The following ME2 variants were observed in gnomAD, a reference collection of about 807,000 sequenced individuals.
The protein encoded by ME2 is malic enzyme 2.
In ME2, 60 loss-of-function variants were observed where a neutral mutation model predicts 73.7. The ratio of observed to expected loss-of-function variants is 0.81; its 90% CI spans 0.66 to 1.01. The LOEUF is 1.01. Among genes scored for constraint, ME2 ranks in the 50% least tolerant of loss-of-function variants. The probability of loss-of-function intolerance (pLI) is 0.00; values close to 1 mark genes in which losing one functional copy is unlikely to be tolerated. For missense variants in ME2, 594 were observed against 705.5 expected, an observed-to-expected ratio of 0.84 and a Z score of 1.79; for synonymous variants, 199 against 236.9, an observed-to-expected ratio of 0.84 and a Z score of 1.47.
intron 2 of ME2, among the ~76,000 whole-genome samples, chr18:50,899,895 G>A (rs1026231434): frequency 6.6e-6 from 1 of 152,194 alleles, no homozygotes; most frequent in Admixed American, 6.5e-5. Flanking sequence ...TACATGCTGG[G>A]TAGATGGATG....
Position 50,920,465 on chromosome 18 carries a change from G to C in ME2, c.744G>C (p.Arg248=), listed in dbSNP as rs1302338863. 6.3e-7 allele frequency: 1 copy of C among 1,595,830 alleles called. No individual in the cohort carries two copies. The highest frequency in any genetic ancestry group is 1.9e-5 in the Admixed American group (1 of 54,050). Residue 248 remains arginine, a synonymous_variant, in exon 8 of 16, where the codon CGG becomes CGC. Coordinates refer to ENST00000321341, the MANE Select transcript of ME2 (RefSeq NM_002396.5). The stretch of plus-strand genomic sequence containing the variant: ...GTTTTGCTGTTTTTAGATATGGCCG[G>C]AACACACTCATTCAGTTCGAAGACT... ...FMKAITDRYG[R]NTLIQFEDFG... is the part of the protein sequence containing the mutation.
chr18:50,887,433 G>A (rs1251491702), intron 1 of ME2, among the ~76,000 whole-genome samples: 1 of 152,218 alleles, frequency 6.6e-6, no homozygotes, highest in African/African-American at 2.4e-5. Flanking sequence ...CTTGCCAGGA[G>A]ACGGAAACTG....
At chr18:50,939,538 A>G in intron 13 of ME2, 32 bp from the exon 14 acceptor site, 2 of 1,455,162 alleles carry the variant, frequency 1.4e-6, no homozygotes, top group Non-Finnish European at 1.9e-6. Context: ...TTGAAAAGTG[A>G]CCATACTAGT....
rs1443317443 is a variant in ME2, at chr18:50,879,137, C to G, written c.-184C>G. ...TCCCCTCTCTCGGCCGCTCTTCGGG[C>G]CGCCTCTGCGTGTGGGGCCGCCCGC... On this transcript the variant is annotated 5_prime_UTR_variant, in exon 1 of 16. Coordinates refer to ENST00000321341, the MANE Select transcript of ME2 (RefSeq NM_002396.5). The G allele has an allele frequency of 1.3e-5, 2 of 152,212 alleles. No individual in the cohort carries two copies. Among genetic ancestry groups the G allele is most frequent in the African/African-American group, 4.8e-5 (2 of 41,452 alleles). The allele number at this position is 152,212 out of a possible 1,614,324, so 9.4% of individuals were successfully genotyped here.
chr18:50,907,197 G>T (rs1917038152), intron 2 of ME2, among the ~76,000 whole-genome samples: 1 of 152,140 alleles, frequency 6.6e-6, no homozygotes, highest in African/African-American at 2.4e-5. Flanking sequence ...GTCAAATAAT[G>T]ACATTTTCCT....
chr18:50,936,372 A>G (rs1917819793), intron 13 of ME2, among the ~76,000 whole-genome samples: 1 of 152,216 alleles, frequency 6.6e-6, no homozygotes, highest in African/African-American at 2.4e-5. Context: ...AGGAAAGGAA[A>G]TTTTGTTCCT....
chr18:50,879,718 A>T (rs1280700321), intron 1 of ME2, among the ~76,000 whole-genome samples: 1 of 152,230 alleles, frequency 6.6e-6, no homozygotes, highest in Non-Finnish European at 1.5e-5. Flanking sequence ...TATCTCCTTT[A>T]TTCAGTCGGG....
intron 3 of ME2, among the ~76,000 whole-genome samples, chr18:50,911,008 G>A (rs1401870222): frequency 6.6e-6 from 1 of 152,230 alleles, no homozygotes; most frequent in African/African-American, 2.4e-5. Flanking sequence ...TGATCCAAGA[G>A]TGGATAAGGG....
chr18:50,890,748 A>C (rs1196074870), intron 1 of ME2, among the ~76,000 whole-genome samples: 2 of 152,158 alleles, frequency 1.3e-5, no homozygotes, highest in African/African-American at 2.4e-5. Flanking sequence ...TAGTTGTTTT[A>C]ATTACATATA....
chr18:50,886,167 T>TAAAA (rs137914150), intron 1 of ME2, among the ~76,000 whole-genome samples: 25 of 149,032 alleles, frequency 1.7e-4, no homozygotes, highest in South Asian at 2.1e-4. Flanking sequence ...ATTTAAAATT[T>TAAAA]AAAAAAAAAG....
chr18:50,901,914 C>T (rs933236234), intron 2 of ME2, among the ~76,000 whole-genome samples: 3 of 152,182 alleles, frequency 2.0e-5, no homozygotes, highest in African/African-American at 7.2e-5. Flanking sequence ...CTGCTATCTA[C>T]GTTTTTTTCT....
intron 15 of ME2, 40 bp from the exon 16 acceptor site, chr18:50,946,977 A>T: frequency 6.9e-7 from 1 of 1,446,604 alleles, no homozygotes; most frequent in Non-Finnish European, 9.7e-7. Context: ...CTAATAGGTT[A>T]ATACTCAGAG....
chr18:50,925,223 A>T (rs1281699177), intron 11 of ME2, among the ~76,000 whole-genome samples: 2 of 152,176 alleles, frequency 1.3e-5, no homozygotes, highest in East Asian at 3.9e-4. Flanking sequence ...TCACACCTGT[A>T]ATTCCAGCAC....
chr18:50,906,474 G>A (rs1312684838), intron 2 of ME2, among the ~76,000 whole-genome samples: 2 of 151,998 alleles, frequency 1.3e-5, no homozygotes, highest in African/African-American at 2.4e-5. Context: ...CACCACGCCC[G>A]GCTAATTTTT....
Position 50,920,548 on chromosome 18 carries a change from T to C in ME2, c.827T>C (p.Phe276Ser). The C allele has an allele frequency of 1.3e-6, 2 of 1,590,852 alleles. No homozygotes were observed. The highest frequency in any genetic ancestry group is 1.7e-6 in the Non-Finnish European group (2 of 1,173,332). Residue 276 changes from phenylalanine (F) to serine (S), a missense_variant, in exon 8 of 16, where the codon TTC (phenylalanine) becomes TCC (serine). Phe to Ser is a radical substitution (Grantham distance 155). Coordinates refer to ENST00000321341, the MANE Select transcript of ME2 (RefSeq NM_002396.5). ...AAGTACCGAGAAAAATATTGTACTT[T>C]CAATGATGATATTCAAGGTAAAGCA... ...LRKYREKYCTFNDDIQGTAAV... is the reference protein window; with the variant it reads ...LRKYREKYCTSNDDIQGTAAV...
At chr18:50,914,015 C>A (rs1366583739) in intron 4 of ME2, among the ~76,000 whole-genome samples, 2 of 152,148 alleles carry the variant, frequency 1.3e-5, no homozygotes, top group Non-Finnish European at 2.9e-5. Flanking sequence ...ATTCAGTCTC[C>A]TGTCGCCTTG....
Position 50,882,080 on chromosome 18 carries a change from C to T in ME2, c.-13+2772C>T, listed in dbSNP as rs563729740. 7.9e-5 allele frequency among the ~76,000 whole-genome samples: 12 copies of T among 152,244 alleles called. No homozygotes were observed. In the South Asian group the frequency reaches 2.5e-3, roughly 32 times the overall value. ...GTGGTGCTGTTATGGTTCACTGCAA[C>T]CTCAACCTCCCATGCTCAAGCCATC... On this transcript the variant is annotated intron_variant, in intron 1 of 15. Coordinates refer to ENST00000321341, the MANE Select transcript of ME2 (RefSeq NM_002396.5).
At chr18:50,935,956 A>C (rs184951148) in intron 13 of ME2, among the ~76,000 whole-genome samples, 1 of 152,248 alleles carries the variant, frequency 6.6e-6, no homozygotes, top group East Asian at 1.9e-4. Flanking sequence ...AAGCAGAGGC[A>C]ACATGTGCCG....
chr18:50,929,570 A>G (rs568968524), intron 12 of ME2, among the ~76,000 whole-genome samples: 6 of 151,826 alleles, frequency 4.0e-5, no homozygotes, highest in African/African-American at 1.4e-4. Flanking sequence ...CTTTTTGACC[A>G]CTCCATTAGT....
Sources: gnomAD v4.1 joint callset for allele counts (sites outside exome capture counted in the v4.1 genomes callset) on GRCh38, gnomAD v4.1.1 for gene constraint, MANE v1.5 for transcripts, NCBI Gene and HGNC (gene_info 2026-07-23, HGNC 2026-07-21) for gene names.